The following RANBP3 variants were observed in gnomAD, a reference collection of about 807,000 sequenced individuals.
RANBP3 encodes ran-binding protein 3.
RANBP3 carries 14 observed loss-of-function variants against 77.3 expected under a neutral mutation model. The ratio of observed to expected loss-of-function variants is 0.18; its 90% CI spans 0.12 to 0.28. The LOEUF (loss-of-function observed/expected upper bound fraction) is 0.28. RANBP3 is among the 10% of genes least tolerant of loss of function. The pLI is 1.00. For missense variants in RANBP3, 586 were observed against 752.3 expected (o/e 0.78, Z 2.59); for synonymous variants, 315 against 312.4 (o/e 1.01, Z -0.09).
chr19:5,947,715 G>A (rs1172083990), intron 3 of RANBP3, among the ~76,000 whole-genome samples: 2 of 152,246 alleles, frequency 1.3e-5, no homozygotes, highest in Non-Finnish European at 2.9e-5. Context: ...CGAGCACTGT[G>A]AGTGCTGATC....
chr19:5,967,293 G>T (rs1301641606), intron 1 of RANBP3, among the ~76,000 whole-genome samples: 1 of 152,114 alleles, frequency 6.6e-6, no homozygotes, highest in Non-Finnish European at 1.5e-5. Context: ...ACACTTTTTG[G>T]AGCTGATGAT....
chr19:5,977,675 A>G (rs2058612011), intron 1 of RANBP3, among the ~76,000 whole-genome samples: 1 of 151,870 alleles, frequency 6.6e-6, no homozygotes, highest in South Asian at 2.1e-4. Flanking sequence ...GGGGGCGGGG[A>G]GGGAGCGTGG....
chr19:5,932,389 T>C, intron 7 of RANBP3, 63 bp downstream of exon 7: 1 of 1,329,676 alleles, frequency 7.5e-7, no homozygotes, highest in Admixed American at 1.8e-5. Flanking sequence ...CTGTCCCGGG[T>C]GCGACTTCGG....
At chr19:5,943,194 T>G (rs911564769) in intron 3 of RANBP3, among the ~76,000 whole-genome samples, 3 of 152,206 alleles carry the variant, frequency 2.0e-5, no homozygotes, top group Non-Finnish European at 4.4e-5. Context: ...ATTTTCTTAT[T>G]TTCTAAAATG....
chr19:5,951,395 C>T lies in RANBP3; in HGVS notation c.280G>A (p.Gly94Arg). The change falls in exon 3 of 17, where the codon GGG (glycine) becomes AGG (arginine). Residue 94 changes from glycine to arginine, a missense_variant and splice_region_variant. Transcript: ENST00000340578. ...QLPPFPRELA[G>R]RSAGGSSPEG... ...GTGCCGGGTAGGTGTGGACTTACCCCTGCCAGTTCTCGCGGAAAAGGAGGA... is the reference window on the plus strand; with the variant it reads ...GTGCCGGGTAGGTGTGGACTTACCCTTGCCAGTTCTCGCGGAAAAGGAGGA... The T allele has an allele frequency of 6.4e-7, 1 of 1,554,010 alleles. No individual in the cohort carries two copies. The highest frequency in any genetic ancestry group is 1.9e-5 in the Admixed American group (1 of 51,390).
At position 5,921,109 on chromosome 19, in the gene RANBP3, AG is replaced by A; in HGVS notation, c.1330+91del. The A allele has an allele frequency of 2.1e-6, 3 of 1,458,478 alleles. No homozygotes were observed. In the South Asian group the frequency reaches 3.9e-5, roughly 19 times the overall value. 90.3% of individuals were successfully genotyped at this position (1,458,478 alleles called of 1,614,324 possible). A position where few individuals can be genotyped will look rare whatever the true frequency, so the allele number is the denominator to read the frequency against. Reference sequence around the variant, plus strand: ...CCTTGACTCTCACAAGGGTAGGGTCAGGATCTCCCCCGCTTCATTCCCTTTG... The same window carrying A: ...CCTTGACTCTCACAAGGGTAGGGTCAGATCTCCCCCGCTTCATTCCCTTTG... On this transcript the variant is annotated intron_variant, in intron 14 of 16. Coordinates refer to ENST00000340578, the MANE Select transcript of RANBP3 (RefSeq NM_007322.3). The surrounding 1 kb of genome is among the most constrained non-coding windows in gnomAD (Gnocchi z 5.3).
rs974664045 is a variant in RANBP3 at position 5,918,395 on chromosome 19, C to T, written c.1473+101G>A. 69 of 248,500 alleles carry T rather than the reference C, an allele frequency of 2.8e-4. 9 individuals carry two copies. The highest frequency in any genetic ancestry group is 1.8e-3 in the South Asian group (45 of 25,388). The allele number at this position is 248,500 out of a possible 1,614,324, so 15.4% of individuals were successfully genotyped here. On this transcript the variant is annotated intron_variant, in intron 15 of 16. Coordinates refer to ENST00000340578, the MANE Select transcript of RANBP3 (RefSeq NM_007322.3). ...TCCCAGGAAGCAACTGAAGCCCCTC[C>T]CCCCTCCCCTCCCCACCGTCCTGCC... is the stretch of plus-strand genomic sequence containing the variant.
At chr19:5,951,684 C>CT (rs2058278517) in intron 2 of RANBP3, 88 bp from the exon 3 acceptor site, 13 of 1,246,920 alleles carry the variant, frequency 1.0e-5, no homozygotes, top group Non-Finnish European at 1.4e-5. Context: ...GAGGCTGGAG[C>CT]TGGCTCAGCT....
intron 3 of RANBP3, among the ~76,000 whole-genome samples, chr19:5,945,773 G>T (rs1380464096): frequency 6.6e-6 from 1 of 151,988 alleles, no homozygotes; most frequent in Non-Finnish European, 1.5e-5. Flanking sequence ...GCTCTCCCCA[G>T]AGCAGCATGT....
chr19:5,933,692 T>C (rs1457485375), intron 5 of RANBP3: 3 of 503,380 alleles, frequency 6.0e-6, no homozygotes, highest in Non-Finnish European at 1.1e-5. Context: ...GGAGGAACGA[T>C]GGCTCTTGGG....
Position 5,918,604 on chromosome 19 carries a change from G to T in RANBP3, c.1365C>A (p.Leu455=), listed in dbSNP as rs751902036. ...MRTQGSLRLI[L]NTKLWAQMQI... ...GCATCTGGGCCCACAGCTTGGTGTT[G>T]AGGATCAGTCGCAGGCTCCCCTGGG... The change falls in exon 15 of 17, where the codon CTC becomes CTA. Residue 455 remains leucine, a synonymous_variant. Coordinates refer to ENST00000340578, the MANE Select transcript of RANBP3 (RefSeq NM_007322.3). 6.2e-7 allele frequency: 1 copy of T among 1,613,786 alleles called. No homozygotes were observed. Among genetic ancestry groups the T allele is most frequent in the South Asian group, 1.1e-5 (1 of 91,064 alleles).
At chr19:5,919,901 CA>C (rs5826910) in intron 14 of RANBP3, among the ~76,000 whole-genome samples, 122 of 129,880 alleles carry the variant, frequency 9.4e-4, no homozygotes, top group Admixed American at 1.0e-3. Flanking sequence ...AACTCCGTCT[CA>C]AAAAAAAAAA....
chr19:5,965,339 A>G (rs1490709528), intron 1 of RANBP3, among the ~76,000 whole-genome samples: 1 of 152,152 alleles, frequency 6.6e-6, no homozygotes, highest in East Asian at 1.9e-4. Flanking sequence ...GGGTGAAAGG[A>G]GGAGGGCGGT....
intron 12 of RANBP3, 112 bp from the exon 13 acceptor site, chr19:5,923,415 G>C: frequency 9.4e-7 from 1 of 1,060,458 alleles, no homozygotes; most frequent in Non-Finnish European, 1.4e-6. Context: ...GACGCCTGCT[G>C]CCCCTGGCAG....
chr19:5,947,944 G>T (rs1368447044), intron 3 of RANBP3, among the ~76,000 whole-genome samples: 1 of 152,212 alleles, frequency 6.6e-6, no homozygotes. Context: ...AATCATGGTT[G>T]TCACATTTAT....
At chr19:5,920,642 A>G (rs959492240) in intron 14 of RANBP3, among the ~76,000 whole-genome samples, 2 of 152,092 alleles carry the variant, frequency 1.3e-5, no homozygotes, top group Non-Finnish European at 2.9e-5. Context: ...CCGTCTCCCA[A>G]GTTCACGCAA....
chr19:5,951,189 A>G (rs1042854741), intron 3 of RANBP3, among the ~76,000 whole-genome samples: 1 of 152,200 alleles, frequency 6.6e-6, no homozygotes, highest in Non-Finnish European at 1.5e-5. Flanking sequence ...GCAATTTAGA[A>G]AAGGCTAAAA....
intron 1 of RANBP3, among the ~76,000 whole-genome samples, chr19:5,965,540 T>A (rs1347255373): frequency 6.6e-6 from 1 of 152,110 alleles, no homozygotes; most frequent in African/African-American, 2.4e-5. Context: ...GAGAGGGTGC[T>A]GTAGAGCCCC....
chr19:5,925,812 C>G, intron 9 of RANBP3, 75 bp from the exon 10 acceptor site: 2 of 1,232,970 alleles, frequency 1.6e-6, no homozygotes, highest in Non-Finnish European at 2.4e-6. Flanking sequence ...TGTCTGCAGA[C>G]CCCCTGAGCT....
Sources: allele counts gnomAD v4.1 joint callset (sites outside exome capture counted in the v4.1 genomes callset), GRCh38; gene constraint gnomAD v4.1.1; non-coding constraint Gnocchi (gnomAD v3.1); transcripts MANE v1.5; gene names NCBI Gene and HGNC (gene_info 2026-07-23, HGNC 2026-07-21).